Variants in SALL1 observed in about 807,000 individuals in gnomAD.
SALL1 encodes sal-like protein 1.
In SALL1, 10 loss-of-function variants were observed where a neutral mutation model predicts 73.1. The ratio of observed to expected loss-of-function variants is 0.14; its 90% CI spans 0.08 to 0.23. SALL1 has a LOEUF of 0.23. Among genes scored for constraint, SALL1 ranks in the 10% least tolerant of loss-of-function variants. The pLI, the probability that SALL1 is intolerant of heterozygous loss-of-function variation, is 1.00. For missense variants in SALL1, 1,520 were observed against 1,697.3 expected (o/e 0.90, Z 1.84); for synonymous variants, 688 against 689.8 (o/e 1.00, Z 0.04).
Position 51,136,893 on chromosome 16 carries a change from T to C in SALL1, c.*219A>G. 1.7e-6 allele frequency: 1 copy of C among 573,594 alleles called. No individual in the cohort carries two copies. The highest frequency in any genetic ancestry group is 3.0e-5 in the East Asian group (1 of 33,878). 35.5% of individuals were successfully genotyped at this position (573,594 alleles called of 1,614,324 possible). The stretch of plus-strand genomic sequence containing the variant: ...AATACAGAAGACCAAAGTTAACGCT[T>C]GCATTCTGTTTGCAAAGCAAGGTTA... On this transcript the variant is annotated 3_prime_UTR_variant, in exon 3 of 3. Coordinates refer to ENST00000251020, the MANE Select transcript of SALL1 (RefSeq NM_002968.3).
In SALL1 at chr16:51,139,173, C is replaced by T; in HGVS notation, c.3049G>A (p.Asp1017Asn). The T allele has an allele frequency of 6.2e-7, 1 of 1,614,172 alleles. No individual in the cohort carries two copies. The highest frequency in any genetic ancestry group is 8.5e-7 in the Non-Finnish European group (1 of 1,180,040). ...TTGGTATGACTTCTATAGTGAATGT[C>T]CAAGGCACTCTGACAAGCAAATGTT... is the stretch of plus-strand genomic sequence containing the variant. ...GKTFACQSAL[D>N]IHYRSHTKER... is the part of the protein sequence containing the mutation. Residue 1017 changes from aspartate to asparagine, a missense_variant, in exon 2 of 3, where the codon GAC (aspartate) becomes AAC (asparagine). Asp to Asn is a conservative substitution (Grantham distance 23, BLOSUM62 1). Coordinates refer to ENST00000251020, the MANE Select transcript of SALL1 (RefSeq NM_002968.3).
At chr16:51,138,545 G>A (rs936926190) in intron 2 of SALL1, 143 bp downstream of exon 2, 17 of 1,115,318 alleles carry the variant, frequency 1.5e-5, no homozygotes, top group South Asian at 6.7e-5. Context: ...TTTCTCCCCC[G>A]TCAACCATGT....
chr16:51,139,418 G>GTGCTGT lies in SALL1; in HGVS notation c.2798_2803dup (p.Asn933_Ser934dup), dbSNP rs760807997. 286 of 1,614,176 alleles carry GTGCTGT rather than the reference G, an allele frequency of 1.8e-4. 2 individuals carry two copies. The South Asian group carries it at 3.0e-3, about 17-fold the overall frequency. ...GCTGGGTGACTTGTGGAACTCCTGC[G>GTGCTGT]TGCTGTTGGACGGGGACAGAGCCTG... On this transcript the variant is annotated inframe_insertion, in exon 2 of 3. Coordinates refer to ENST00000251020, the MANE Select transcript of SALL1 (RefSeq NM_002968.3).
chr16:51,143,785 G>A (rs1375118982), intron 1 of SALL1, among the ~76,000 whole-genome samples: 1 of 152,110 alleles, frequency 6.6e-6, no homozygotes, highest in Non-Finnish European at 1.5e-5. Context: ...CCAAACGTAC[G>A]CACACTTTAT....
intron 1 of SALL1, among the ~76,000 whole-genome samples, chr16:51,150,012 AC>A (rs1962573382): frequency 6.6e-6 from 1 of 151,942 alleles, no homozygotes; most frequent in African/African-American, 2.4e-5. Context: ...TGCCGGGACG[AC>A]CCGGGGACCC....
At chr16:51,150,561 C>T (rs1962582632) in intron 1 of SALL1, 1 of 986,038 alleles carries the variant, frequency 1.0e-6, no homozygotes, top group African/African-American at 1.7e-5. Flanking sequence ...CGCCCCGACA[C>T]CAGTCCCCAT....
At position 51,141,057 on chromosome 16, in the gene SALL1, T is replaced by C. The variant is rs755248711; in HGVS notation, c.1165A>G (p.Asn389Asp). The change falls in exon 2 of 3, where the codon AAT becomes GAT. Residue 389 changes from asparagine to aspartate, a missense_variant. Transcript: ENST00000251020. The surrounding 1 kb of genome is among the most constrained non-coding windows in gnomAD (Gnocchi z 5.4). ...GAGGCTTGCTGAGGTAGAAGTGGAT[T>C]AGACGCAGGACTTAATAAACTGCTT... ...AISSLLSPASNPLLPQQASAN... is the reference protein window; with the variant it reads ...AISSLLSPASDPLLPQQASAN... 11 of 1,614,020 alleles carry C rather than the reference T, an allele frequency of 6.8e-6. No individual in the cohort carries two copies. The South Asian group carries it at 1.1e-4, about 16-fold the overall frequency.
chr16:51,149,394 A>T (rs1477236039), intron 1 of SALL1: 1 of 152,188 alleles, frequency 6.6e-6, no homozygotes, highest in Non-Finnish European at 1.5e-5. Flanking sequence ...TCTCACCAGA[A>T]ACTTTAGGAA....
chr16:51,150,525 C>G (rs1395420181), intron 1 of SALL1: 1 of 985,832 alleles, frequency 1.0e-6, no homozygotes, highest in East Asian at 1.1e-4. Flanking sequence ...CCACCCCGGC[C>G]GCAACCCCAG....
At position 51,139,999 on chromosome 16, in the gene SALL1, C is replaced by A. The variant is rs1430868205; in HGVS notation, c.2223G>T (p.Arg741=). The A allele has an allele frequency of 6.2e-7, 1 of 1,614,078 alleles. No individual in the cohort carries two copies. Among genetic ancestry groups the A allele is most frequent in the African/African-American group, 1.3e-5 (1 of 74,922 alleles). The change falls in exon 2 of 3, where the codon CGG becomes CGT. Residue 741 remains arginine (R), a synonymous_variant. Coordinates refer to ENST00000251020, the MANE Select transcript of SALL1 (RefSeq NM_002968.3). ...TAAGATTCCCTTTCGTGGTGAAAGC[C>A]CGGCCACAGATCTTACACTTAAAGG... is the stretch of plus-strand genomic sequence containing the variant. ...ERPFKCKICG[R]AFTTKGNLKT...
At chr16:51,149,861 A>T (rs1427611243) in intron 1 of SALL1, 1 of 151,728 alleles carries the variant, frequency 6.6e-6, no homozygotes, top group Non-Finnish European at 1.5e-5. Context: ...CACGCTTCGG[A>T]GCTCTGTCGG....
chr16:51,137,468 C>T lies in SALL1; in HGVS notation c.3619G>A (p.Gly1207Arg), dbSNP rs1452154325. The T allele has an allele frequency of 1.2e-6, 2 of 1,613,824 alleles. No homozygotes were observed. Among genetic ancestry groups the T allele is most frequent in the Non-Finnish European group, 1.7e-6 (2 of 1,179,976 alleles). ...LSVDGPMTFL[G>R]GNPVKFPEMF... ...TCTGGGAACTTGACGGGATTGCCTCCTAGAAATGTCATGGGGCCATCCACA... is the reference window on the plus strand; with the variant it reads ...TCTGGGAACTTGACGGGATTGCCTCTTAGAAATGTCATGGGGCCATCCACA... The change falls in exon 3 of 3, where the codon GGA (glycine) becomes AGA (arginine). Residue 1207 changes from glycine to arginine, a missense_variant. By Grantham distance (125) the Gly-to-Arg change is moderately radical (BLOSUM62 -2). This residue lies in a region of SALL1 where 318 missense variants were observed against 357.1 expected (regional missense o/e 0.89). Coordinates refer to ENST00000251020, the MANE Select transcript of SALL1 (RefSeq NM_002968.3).
At chr16:51,151,356 C>G, upstream of SALL1, 1 of 478,052 alleles carries the variant, frequency 2.1e-6, no homozygotes, top group East Asian at 5.1e-5. Flanking sequence ...GCCGGCCCGC[C>G]CGCCCCCTCC....
Position 51,140,538 on chromosome 16 carries a change from T to C in SALL1, c.1684A>G (p.Thr562Ala), listed in dbSNP as rs1356507821. The stretch of plus-strand genomic sequence containing the variant: ...ATGAAGGGTATGAGGCTTGGGAGGG[T>C]TGGGGGCAACGGCAGGCCGACTGAA... ...TTSVGLPLPP[T>A]LPSLIPFIKT... is the part of the protein sequence containing the mutation. The change falls in exon 2 of 3, where the codon ACC becomes GCC. Residue 562 changes from threonine (T) to alanine (A), a missense_variant. Thr to Ala is a moderately conservative substitution (Grantham distance 58). Coordinates refer to ENST00000251020, the MANE Select transcript of SALL1 (RefSeq NM_002968.3). This position sits in a 1 kb window ranked among gnomAD's most constrained non-coding sequence, Gnocchi z 5.7. 3.7e-6 allele frequency: 6 copies of C among 1,613,142 alleles called. No individual in the cohort carries two copies. The highest frequency in any genetic ancestry group is 3.3e-4 in the Middle Eastern group (2 of 6,052).
At chr16:51,151,660 C>G (rs919819378), upstream of SALL1, among the ~76,000 whole-genome samples, 1 of 151,300 alleles carries the variant, frequency 6.6e-6, no homozygotes, top group Non-Finnish European at 1.5e-5. Context: ...CGCCGGGGGC[C>G]GGCCTCCTCT....
In SALL1 at chr16:51,141,129, C is replaced by T; in HGVS notation, c.1093G>A (p.Val365Ile). The change falls in exon 2 of 3, where the codon GTC becomes ATC. Residue 365 changes from valine (V) to isoleucine (I), a missense_variant. Transcript: ENST00000251020. The surrounding 1 kb of genome is among the most constrained non-coding windows in gnomAD (Gnocchi z 5.4). ...KVASSAGASHVSNPAVSSSSS... is the reference protein window; with the variant it reads ...KVASSAGASHISNPAVSSSSS... ...GATGATGAGACCGCTGGGTTGCTGACATGGGAGGCCCCAGCACTTGAAGCC... is the reference window on the plus strand; with the variant it reads ...GATGATGAGACCGCTGGGTTGCTGATATGGGAGGCCCCAGCACTTGAAGCC... The T allele has an allele frequency of 1.2e-6, 2 of 1,614,232 alleles. No individual in the cohort carries two copies. Among genetic ancestry groups the T allele is most frequent in the Non-Finnish European group, 1.7e-6 (2 of 1,180,046 alleles).
At position 51,136,329 on chromosome 16, in the gene SALL1, A is replaced by T. The variant is rs1409430246; in HGVS notation, c.*783T>A. Reference sequence around the variant, plus strand: ...TAGCAGCATTGTGAAATTCCAGCACACATTTTCTATCGTGAATATACCTAC... The same window carrying T: ...TAGCAGCATTGTGAAATTCCAGCACTCATTTTCTATCGTGAATATACCTAC... On this transcript the variant is annotated 3_prime_UTR_variant, in exon 3 of 3. Coordinates refer to ENST00000251020, the MANE Select transcript of SALL1 (RefSeq NM_002968.3). The T allele has an allele frequency of 2.0e-5, 3 of 152,688 alleles. No homozygotes were observed. The East Asian group carries it at 5.8e-4, about 29-fold the overall frequency. The allele number at this position is 152,688 out of a possible 1,614,324, so 9.5% of individuals were successfully genotyped here. A position where few individuals can be genotyped will look rare whatever the true frequency, so the allele number is the denominator to read the frequency against.
chr16:51,145,776 A>G (rs1050230492), intron 1 of SALL1, among the ~76,000 whole-genome samples: 2 of 152,160 alleles, frequency 1.3e-5, no homozygotes, highest in African/African-American at 4.8e-5. Context: ...AAAAAACAAA[A>G]CAAAAAACAA....
rs1446359548 is a variant in SALL1, at chr16:51,139,371, C to A, written c.2851G>T (p.Ala951Ser). Residue 951 changes from alanine to serine, a missense_variant, in exon 2 of 3, where the codon GCG (alanine) becomes TCG (serine). By Grantham distance (99) the Ala-to-Ser change is moderately conservative. Coordinates refer to ENST00000251020, the MANE Select transcript of SALL1 (RefSeq NM_002968.3). ...SPSIEEKPQR[A>S]VPSEFANGLS... ...CCATTGGCAAACTCGCTTGGGACCG[C>A]TCTCTGTGGTTTCTCCTCAATGCTG... 3 of 1,614,180 alleles carry A rather than the reference C, an allele frequency of 1.9e-6. No individual in the cohort carries two copies. Among genetic ancestry groups the A allele is most frequent in the Non-Finnish European group, 2.5e-6 (3 of 1,180,044 alleles).
Sources: gnomAD v4.1 joint callset for allele counts (sites outside exome capture counted in the v4.1 genomes callset) on GRCh38, gnomAD v4.1.1 for gene constraint, gnomAD v4.1.1 regional missense constraint, Gnocchi (gnomAD v3.1) non-coding constraint, MANE v1.5 for transcripts, NCBI Gene and HGNC (gene_info 2026-07-23, HGNC 2026-07-21) for gene names.